The following SMARCD1 variants were observed in gnomAD, a reference collection of about 807,000 sequenced individuals.
The protein encoded by SMARCD1 is SWI/SNF-related matrix-associated actin-dependent regulator of chromatin subfamily D member 1.
In SMARCD1, 16 loss-of-function variants were observed where a neutral mutation model predicts 70.8. The ratio of observed to expected loss-of-function variants is 0.23; its 90% CI spans 0.15 to 0.34. The LOEUF (loss-of-function observed/expected upper bound fraction) is 0.34, where lower values mean the gene tolerates loss of function less well. Among genes scored for constraint, SMARCD1 ranks in the 10% least tolerant of loss-of-function variants. The probability of loss-of-function intolerance (pLI) is 1.00; values close to 1 mark genes in which losing one functional copy is unlikely to be tolerated. For synonymous variants in SMARCD1, 249 were observed against 246.0 expected, an observed-to-expected ratio of 1.01 and a Z score of -0.11; for missense variants, 409 against 655.5, an observed-to-expected ratio of 0.62 and a Z score of 4.11.
rs773438501 is a variant in SMARCD1, at chr12:50,096,836, G to A, written c.1270-14G>A. On this transcript the variant is annotated splice_polypyrimidine_tract_variant and intron_variant, in intron 10 of 12. Coordinates refer to ENST00000394963, the MANE Select transcript of SMARCD1 (RefSeq NM_003076.5). ...CTAGTTTGAAAATGGTATGAGCTTCGTTCTTCCTTTCAGATCCATGAGACA... is the reference window on the plus strand; with the variant it reads ...CTAGTTTGAAAATGGTATGAGCTTCATTCTTCCTTTCAGATCCATGAGACA... The A allele has an allele frequency of 3.1e-6, 5 of 1,597,486 alleles. No homozygotes were observed. Among genetic ancestry groups the A allele is most frequent in the South Asian group, 1.1e-5 (1 of 90,434 alleles).
chr12:50,087,623 C>A, intron 5 of SMARCD1, 138 bp downstream of exon 5: 1 of 1,008,300 alleles, frequency 9.9e-7, no homozygotes, highest in Non-Finnish European at 1.5e-6. Context: ...CTGTTCCCTG[C>A]ACTGAAAGAC....
chr12:50,088,781 A>G (rs1439192758), intron 6 of SMARCD1, 144 bp downstream of exon 6: 4 of 450,286 alleles, frequency 8.9e-6, no homozygotes, highest in Non-Finnish European at 1.6e-5. Context: ...CAGTTTGCAC[A>G]TTGACCTCTA....
intron 9 of SMARCD1, among the ~76,000 whole-genome samples, chr12:50,092,749 G>A (rs921094950): frequency 5.3e-5 from 8 of 151,992 alleles, no homozygotes; most frequent in African/African-American, 1.5e-4. Context: ...AGTTTAAAAG[G>A]GAGAAAGCCA....
chr12:50,089,834 C>A, intron 6 of SMARCD1, 50 bp from the exon 7 acceptor site: 5 of 1,281,004 alleles, frequency 3.9e-6, no homozygotes, highest in Admixed American at 1.7e-5. Context: ...TTCCCTCCCA[C>A]CCCAGCTCTT....
intron 2 of SMARCD1, 78 bp downstream of exon 2, chr12:50,086,426 AGT>A: frequency 7.5e-7 from 1 of 1,340,500 alleles, no homozygotes; most frequent in Non-Finnish European, 1.0e-6. Context: ...TGAACCAAGA[AGT>A]GGTGGTGCTG....
Position 50,099,262 on chromosome 12 carries a change from A to G in SMARCD1, c.*262A>G. On this transcript the variant is annotated 3_prime_UTR_variant, in exon 13 of 13. Coordinates refer to ENST00000394963, the MANE Select transcript of SMARCD1 (RefSeq NM_003076.5). Reference sequence around the variant, plus strand: ...CCCCTGGTCTACATAGGACCTCTAGATAGTGTTAGAGAGAGAACATGTAGT... The same window carrying G: ...CCCCTGGTCTACATAGGACCTCTAGGTAGTGTTAGAGAGAGAACATGTAGT... 3.3e-6 allele frequency: 2 copies of G among 599,894 alleles called. No individual in the cohort carries two copies. The highest frequency in any genetic ancestry group is 5.9e-6 in the Non-Finnish European group (2 of 336,870). The allele number at this position is 599,894 out of a possible 1,614,324, so 37.2% of individuals were successfully genotyped here. A position where few individuals can be genotyped will look rare whatever the true frequency, so the allele number is the denominator to read the frequency against.
Position 50,099,420 on chromosome 12 carries a change from A to G in SMARCD1, c.*420A>G. The G allele has an allele frequency of 4.5e-6, 2 of 440,864 alleles. No homozygotes were observed. The highest frequency in any genetic ancestry group is 7.7e-5 in the South Asian group (1 of 13,002). 27.3% of individuals were successfully genotyped at this position (440,864 alleles called of 1,614,324 possible). A position where few individuals can be genotyped will look rare whatever the true frequency, so the allele number is the denominator to read the frequency against. ...TTCTCCAAGACTCAGGCCTGTGGGC[A>G]CTCTATAAGCTAGTTGATCTTGGCT... On this transcript the variant is annotated 3_prime_UTR_variant, in exon 13 of 13. Transcript: ENST00000394963.
intron 6 of SMARCD1, chr12:50,089,078 T>C (rs1950817775): frequency 6.6e-6 from 1 of 152,656 alleles, no homozygotes; most frequent in African/African-American, 2.4e-5. Flanking sequence ...GTCTCTGCTC[T>C]GTTTACATTT....
Position 50,086,238 on chromosome 12 carries a change from T to G in SMARCD1, c.255T>G (p.Pro85=), listed in dbSNP as rs1223183443. 1 of 1,612,844 alleles carries G rather than the reference T, an allele frequency of 6.2e-7. No individual in the cohort carries two copies. Among genetic ancestry groups the G allele is most frequent in the Non-Finnish European group, 8.5e-7 (1 of 1,179,252 alleles). Residue 85 remains proline (P), a synonymous_variant, in exon 2 of 13, where the codon CCT becomes CCG. Transcript: ENST00000394963. ...SMGPPGYGGN[P]SVRPGLAQSG... Reference sequence around the variant, plus strand: ...GACCCCCTGGCTATGGGGGGAACCCTTCAGTCCGACCTGGCCTGGCCCAGT... The same window carrying G: ...GACCCCCTGGCTATGGGGGGAACCCGTCAGTCCGACCTGGCCTGGCCCAGT...
In SMARCD1 at chr12:50,086,252, G is replaced by T. The variant is rs764745969; in HGVS notation, c.269G>T (p.Gly90Val). Reference sequence around the variant, plus strand: ...GGGGGGAACCCTTCAGTCCGACCTGGCCTGGCCCAGTCAGGGATGGATCAG... The same window carrying T: ...GGGGGGAACCCTTCAGTCCGACCTGTCCTGGCCCAGTCAGGGATGGATCAG... ...GYGGNPSVRP[G>V]LAQSGMDQSR... is the part of the protein sequence containing the mutation. Residue 90 changes from glycine to valine, a missense_variant, in exon 2 of 13, where the codon GGC becomes GTC. Physicochemically the swap from Gly to Val is moderately radical, Grantham distance 109. This residue lies in a region of SMARCD1 where 140 missense variants were observed against 156.9 expected (regional missense o/e 0.89). Coordinates refer to ENST00000394963, the MANE Select transcript of SMARCD1 (RefSeq NM_003076.5). The T allele has an allele frequency of 1.2e-6, 2 of 1,613,642 alleles. No individual in the cohort carries two copies. Among genetic ancestry groups the T allele is most frequent in the South Asian group, 1.1e-5 (1 of 91,020 alleles).
Position 50,086,332 on chromosome 12 carries a change from CA to C in SMARCD1, c.353del (p.Asn118IlefsTer45). Reference sequence around the variant, plus strand: ...CCAGCAGGTCCAGCAGCAGGCGGTCCAAAATCGAAACCACAAGTAAGATGAT... The same window carrying C: ...CCAGCAGGTCCAGCAGCAGGCGGTCCAAATCGAAACCACAAGTAAGATGAT... ...QIQQVQQQAV[Q>X]NRNHNAKKKK... On this transcript the variant is annotated frameshift_variant, in exon 2 of 13. Transcript: ENST00000394963. LOFTEE classifies it high-confidence loss of function. The C allele has an allele frequency of 7.6e-7, 1 of 1,318,292 alleles. No individual in the cohort carries two copies. The highest frequency in any genetic ancestry group is 1.2e-5 in the South Asian group (1 of 84,574). 81.7% of individuals were successfully genotyped at this position (1,318,292 alleles called of 1,614,324 possible). A position where few individuals can be genotyped will look rare whatever the true frequency, so the allele number is the denominator to read the frequency against.
At position 50,099,422 on chromosome 12, in the gene SMARCD1, T is replaced by C. The variant is rs1051307274; in HGVS notation, c.*422T>C. 16 of 420,534 alleles carry C rather than the reference T, an allele frequency of 3.8e-5. No individual in the cohort carries two copies. Among genetic ancestry groups the C allele is most frequent in the African/African-American group, 6.1e-5 (3 of 49,254 alleles). The allele number at this position is 420,534 out of a possible 1,614,324, so 26.1% of individuals were successfully genotyped here. A position where few individuals can be genotyped will look rare whatever the true frequency, so the allele number is the denominator to read the frequency against. On this transcript the variant is annotated 3_prime_UTR_variant, in exon 13 of 13. Coordinates refer to ENST00000394963, the MANE Select transcript of SMARCD1 (RefSeq NM_003076.5). ...CTCCAAGACTCAGGCCTGTGGGCAC[T>C]CTATAAGCTAGTTGATCTTGGCTCT...
intron 11 of SMARCD1, among the ~76,000 whole-genome samples, chr12:50,097,372 G>A (rs1016106597): frequency 2.0e-5 from 3 of 151,950 alleles, no homozygotes; most frequent in African/African-American, 4.8e-5. Context: ...CCAACATGGC[G>A]AAACCCCGTC....
At chr12:50,086,489 T>TAGTGGTGGTGGTGGGGGTGGG in intron 2 of SMARCD1, 132 bp from the exon 3 acceptor site, 1 of 1,004,266 alleles carries the variant, frequency 1.0e-6, no homozygotes, top group Non-Finnish European at 1.5e-6. Flanking sequence ...TTGGTGGTGG[T>TAGTGGTGGTGGTGGGGGTGGG]GGTGGTGGTG....
rs527519592 is a variant in SMARCD1 at position 50,090,855 on chromosome 12, C to T, written c.1133+265C>T. Among the ~76,000 whole-genome samples the T allele has an allele frequency of 7.6e-3, 831 of 109,206 alleles. 8 individuals are homozygous for T. Among genetic ancestry groups the T allele is most frequent in the African/African-American group, 0.028 (764 of 27,546 alleles). The allele number at this position is 109,206 out of a possible 152,430, so 71.6% of individuals were successfully genotyped here. A position where few individuals can be genotyped will look rare whatever the true frequency, so the allele number is the denominator to read the frequency against. On this transcript the variant is annotated intron_variant, in intron 9 of 12. Transcript: ENST00000394963. ...TTTTTTTTTTTTGGAGACAGAGTCT[C>T]ACTCTGTTGCCCAGGCTGGAGTCCA...
chr12:50,087,578 C>G, intron 5 of SMARCD1, 93 bp downstream of exon 5: 1 of 1,451,256 alleles, frequency 6.9e-7, no homozygotes. Flanking sequence ...AACTGGTGCT[C>G]ACAGCTCCTT....
Position 50,085,584 on chromosome 12 carries a change from C to G in SMARCD1, c.177+38C>G, listed in dbSNP as rs1363088210. ...GGAGGAGGGGCGCGCGGGCCGGGGG[C>G]GGGGCCGAGCGGGGACATGGGAGTG... is the stretch of plus-strand genomic sequence containing the variant. On this transcript the variant is annotated intron_variant, in intron 1 of 12. Coordinates refer to ENST00000394963, the MANE Select transcript of SMARCD1 (RefSeq NM_003076.5). 387 of 915,184 alleles carry G rather than the reference C, an allele frequency of 4.2e-4. 1 individual carries two copies. Among genetic ancestry groups the G allele is most frequent in the South Asian group, 1.5e-4 (3 of 19,432 alleles). The allele number at this position is 915,184 out of a possible 1,614,324, so 56.7% of individuals were successfully genotyped here.
chr12:50,093,366 G>C lies in SMARCD1; in HGVS notation c.1134-1071G>C, dbSNP rs149588083. Reference sequence around the variant, plus strand: ...ACTTTTTGTATTGAGGTTTCGCCATGTTGGCCACACTAGCGTTGAATTCCT... The same window carrying C: ...ACTTTTTGTATTGAGGTTTCGCCATCTTGGCCACACTAGCGTTGAATTCCT... On this transcript the variant is annotated intron_variant, in intron 9 of 12. Transcript: ENST00000394963. Among the ~76,000 whole-genome samples, 180 of 152,134 alleles carry C rather than the reference G, an allele frequency of 1.2e-3. 1 individual carries two copies. The highest frequency in any genetic ancestry group is 3.6e-3 in the African/African-American group (148 of 41,542).
intron 4 of SMARCD1, 97 bp from the exon 5 acceptor site, chr12:50,087,266 C>T (rs748038362): frequency 1.4e-6 from 2 of 1,445,670 alleles, no homozygotes; most frequent in Non-Finnish European, 1.9e-6. Flanking sequence ...GACAGTAAGC[C>T]AGTCTGTTAG....
Sources: gnomAD v4.1 joint callset for allele counts (sites outside exome capture counted in the v4.1 genomes callset) on GRCh38, gnomAD v4.1.1 for gene constraint, gnomAD v4.1.1 regional missense constraint, MANE v1.5 for transcripts, NCBI Gene and HGNC (gene_info 2026-07-23, HGNC 2026-07-21) for gene names.